MCOLN2: variants seen among roughly 807,000 people sequenced by gnomAD.
MCOLN2 encodes the protein mucolipin TRP cation channel 2.
MCOLN2 carries 57 observed loss-of-function variants against 67.5 expected under a neutral mutation model. The ratio of observed to expected loss-of-function variants is 0.84; its 90% CI spans 0.68 to 1.05. The LOEUF (loss-of-function observed/expected upper bound fraction) is 1.05. Ranked by LOEUF, MCOLN2 falls within the 50% of genes least tolerant of loss-of-function variation. The probability of loss-of-function intolerance (pLI) is 0.00; values close to 1 mark genes in which losing one functional copy is unlikely to be tolerated. For synonymous variants in MCOLN2, 246 were observed against 233.3 expected, an observed-to-expected ratio of 1.05 and a Z score of -0.50; for missense variants, 620 against 678.8, an observed-to-expected ratio of 0.91 and a Z score of 0.96.
rs555146052 is a variant in MCOLN2, at chr1:84,933,255, T to C, written c.1336-1687A>G. 4.4e-4 allele frequency among the ~76,000 whole-genome samples: 67 copies of C among 152,272 alleles called. 1 individual carries two copies. Among genetic ancestry groups the C allele is most frequent in the Admixed American group, 4.0e-3 (61 of 15,296 alleles). On this transcript the variant is annotated intron_variant, in intron 11 of 13. Coordinates refer to ENST00000370608, the MANE Select transcript of MCOLN2 (RefSeq NM_153259.4). ...GAATGAACTATGGTCTTCTAATTGT[T>C]TTTATACACACTTCCCTGTACTCCA...
chr1:84,950,450 A>G (rs952415186), intron 6 of MCOLN2, among the ~76,000 whole-genome samples: 4 of 152,210 alleles, frequency 2.6e-5, no homozygotes, highest in African/African-American at 9.6e-5. Context: ...ATGAAATTCT[A>G]GTTTTTGTTA....
At position 84,997,075 on chromosome 1, in the gene MCOLN2, G is replaced by C. The variant is rs1320250233; in HGVS notation, c.-203C>G. On this transcript the variant is annotated 5_prime_UTR_variant, in exon 1 of 14. Transcript: ENST00000370608. ...AGCAGGCGCCGCAGTCGTGGAGTGC[G>C]GCGGGCAGTTCTCGGGCGGCTGAAA... 3 of 590,022 alleles carry C rather than the reference G, an allele frequency of 5.1e-6. No homozygotes were observed. The East Asian group carries it at 8.6e-5, about 17-fold the overall frequency. 36.5% of individuals were successfully genotyped at this position (590,022 alleles called of 1,614,324 possible).
intron 13 of MCOLN2, among the ~76,000 whole-genome samples, chr1:84,927,041 G>GT (rs1331903434): frequency 1.3e-5 from 2 of 151,730 alleles, no homozygotes; most frequent in African/African-American, 2.4e-5. Context: ...GGGAAATGTT[G>GT]GGGGGTAGGG....
At chr1:84,934,081 C>T (rs927514431) in intron 11 of MCOLN2, among the ~76,000 whole-genome samples, 1 of 152,174 alleles carries the variant, frequency 6.6e-6, no homozygotes, top group Non-Finnish European at 1.5e-5. Context: ...ATTTGTAAGG[C>T]ATTCCTTTGG....
intron 4 of MCOLN2, among the ~76,000 whole-genome samples, chr1:84,954,093 CACA>C (rs1303706518): frequency 6.6e-6 from 1 of 152,176 alleles, no homozygotes; most frequent in Non-Finnish European, 1.5e-5. Flanking sequence ...AGATCAAGAG[CACA>C]ACTTTATTGC....
At chr1:84,927,270 C>A (rs1474089669) in intron 13 of MCOLN2, among the ~76,000 whole-genome samples, 1 of 150,738 alleles carries the variant, frequency 6.6e-6, no homozygotes, top group Non-Finnish European at 1.5e-5. Flanking sequence ...TGGTTTGTTT[C>A]TGGAAAAAAA....
intron 1 of MCOLN2, among the ~76,000 whole-genome samples, chr1:84,985,792 A>G (rs1299705850): frequency 6.6e-6 from 1 of 152,220 alleles, no homozygotes; most frequent in Non-Finnish European, 1.5e-5. Flanking sequence ...GAAATCATAG[A>G]TGACACAAAC....
At position 84,927,573 on chromosome 1, in the gene MCOLN2, A is replaced by G. The variant is rs148308130; in HGVS notation, c.1665-852T>C. 7.4e-4 allele frequency among the ~76,000 whole-genome samples: 112 copies of G among 152,344 alleles called. 1 individual carries two copies. Among genetic ancestry groups the G allele is most frequent in the African/African-American group, 2.5e-3 (106 of 41,584 alleles). ...AGAGGCTCTGTCAAAAACTCAAAGGAGAATCAAATGTGTGCTGGTTGTTGG... is the reference window on the plus strand; with the variant it reads ...AGAGGCTCTGTCAAAAACTCAAAGGGGAATCAAATGTGTGCTGGTTGTTGG... On this transcript the variant is annotated intron_variant, in intron 13 of 13. Transcript: ENST00000370608.
At position 84,928,665 on chromosome 1, in the gene MCOLN2, A is replaced by C. The variant is rs144889491; in HGVS notation, c.1664+893T>G. Among the ~76,000 whole-genome samples the C allele has an allele frequency of 4.7e-4, 72 of 152,276 alleles. 1 individual carries two copies. The highest frequency in any genetic ancestry group is 1.7e-3 in the African/African-American group (70 of 41,558). The stretch of plus-strand genomic sequence containing the variant: ...CTTTATCCCAGCTTTCACAGCAACA[A>C]TTTAATGCTCTGAGAAAAAAAGGTG... On this transcript the variant is annotated intron_variant, in intron 13 of 13. Coordinates refer to ENST00000370608, the MANE Select transcript of MCOLN2 (RefSeq NM_153259.4).
At position 84,934,110 on chromosome 1, in the gene MCOLN2, C is replaced by T. The variant is rs906338324; in HGVS notation, c.1336-2542G>A. Among the ~76,000 whole-genome samples, 3 of 152,142 alleles carry T rather than the reference C, an allele frequency of 2.0e-5. No individual in the cohort carries two copies. In the South Asian group the frequency reaches 6.2e-4, roughly 32 times the overall value. ...CCTTTGGATCTTGAGTGATCATAAG[C>T]CCCTGGAAAGCAGGTACTACTCTCT... On this transcript the variant is annotated intron_variant, in intron 11 of 13. Transcript: ENST00000370608.
At chr1:84,963,479 G>C (rs1649199492) in intron 2 of MCOLN2, among the ~76,000 whole-genome samples, 1 of 152,208 alleles carries the variant, frequency 6.6e-6, no homozygotes, top group East Asian at 1.9e-4. Flanking sequence ...TCAGGAAAAA[G>C]AAGGTAAATC....
chr1:84,988,981 C>A (rs933137385), intron 1 of MCOLN2, among the ~76,000 whole-genome samples: 8 of 152,196 alleles, frequency 5.3e-5, no homozygotes, highest in Admixed American at 2.0e-4. Flanking sequence ...ACAAATGACA[C>A]CTCGGTAGAG....
intron 1 of MCOLN2, among the ~76,000 whole-genome samples, chr1:84,970,775 A>G (rs1030294660): frequency 6.6e-6 from 1 of 152,186 alleles, no homozygotes; most frequent in Non-Finnish European, 1.5e-5. Context: ...TGAATAGATA[A>G]AAGAATGATA....
In MCOLN2 at chr1:84,939,713, C is replaced by T. The variant is rs371051103; in HGVS notation, c.961-11G>A. On this transcript the variant is annotated splice_polypyrimidine_tract_variant and intron_variant, in intron 8 of 13. Transcript: ENST00000370608. ...GAAATTTAGAAATCTCTATGGCAAACATTTAAAGAAGCGTTTCTTACAAAC... is the reference window on the plus strand; with the variant it reads ...GAAATTTAGAAATCTCTATGGCAAATATTTAAAGAAGCGTTTCTTACAAAC... 3 of 1,613,630 alleles carry T rather than the reference C, an allele frequency of 1.9e-6. No homozygotes were observed. The highest frequency in any genetic ancestry group is 4.5e-5 in the East Asian group (2 of 44,854).
At chr1:84,950,249 A>G (rs188823908) in intron 6 of MCOLN2, among the ~76,000 whole-genome samples, 3 of 152,358 alleles carry the variant, frequency 2.0e-5, no homozygotes, top group African/African-American at 7.2e-5. Context: ...TATGATTGAA[A>G]GGGCTAATAT....
At chr1:84,930,235 C>G (rs979669248) in intron 12 of MCOLN2, among the ~76,000 whole-genome samples, 28 of 151,316 alleles carry the variant, frequency 1.9e-4, no homozygotes, top group Admixed American at 2.6e-4. Context: ...TGTCCTCCAG[C>G]CTGGGAAACA....
At chr1:84,940,554 T>C (rs2102815661) in intron 8 of MCOLN2, among the ~76,000 whole-genome samples, 1 of 152,364 alleles carries the variant, frequency 6.6e-6, no homozygotes, top group Middle Eastern at 3.4e-3. Flanking sequence ...GCTATTACTC[T>C]GTTCTTCAGA....
intron 7 of MCOLN2, among the ~76,000 whole-genome samples, chr1:84,946,123 C>A (rs141693677): frequency 6.6e-6 from 1 of 152,124 alleles, no homozygotes; most frequent in African/African-American, 2.4e-5. Context: ...GCATTTGCAG[C>A]GGTTGCTGTC....
At chr1:84,930,475 T>C (rs607345) in intron 12 of MCOLN2, among the ~76,000 whole-genome samples, 96,329 of 151,586 alleles carry the variant, frequency 0.64, 31,293 homozygotes, top group African/African-American at 0.76. Context: ...CTTAATGAGA[T>C]AACCTACTTC....
Sources: gnomAD v4.1 joint callset for allele counts (sites outside exome capture counted in the v4.1 genomes callset) on GRCh38, gnomAD v4.1.1 for gene constraint, MANE v1.5 for transcripts, NCBI Gene and HGNC (gene_info 2026-07-23, HGNC 2026-07-21) for gene names.